POU2F1: variants seen among roughly 807,000 people sequenced by gnomAD.
The protein encoded by POU2F1 is POU domain, class 2, transcription factor 1.
POU2F1 carries 16 observed loss-of-function variants against 84.9 expected under a neutral mutation model. The ratio of observed to expected loss-of-function variants is 0.19; its 90% CI spans 0.13 to 0.29. The LOEUF (loss-of-function observed/expected upper bound fraction) is 0.29. POU2F1 is among the 10% of genes least tolerant of loss of function. The pLI is 1.00. For synonymous variants in POU2F1, 368 were observed against 368.3 expected (o/e 1.00, Z 0.01); for missense variants, 738 against 942.6 (o/e 0.78, Z 2.84).
chr1:167,249,282 C>A lies in POU2F1; in HGVS notation c.61+28324C>A, dbSNP rs534244740. On this transcript the variant is annotated intron_variant, in intron 1 of 15. Coordinates refer to ENST00000367866, the MANE Select transcript of POU2F1 (RefSeq NM_002697.4). ...ATACCAGCCTTTTGCTTCCCCTTAT[C>A]TCCAGACTTCTTTGTAAACTCCTCT... is the stretch of plus-strand genomic sequence containing the variant. Among the ~76,000 whole-genome samples the A allele has an allele frequency of 3.9e-5, 6 of 152,304 alleles. No homozygotes were observed. In the South Asian group the frequency reaches 1.2e-3, roughly 32 times the overall value.
chr1:167,245,836 C>T (rs1028090119), intron 1 of POU2F1, among the ~76,000 whole-genome samples: 2 of 152,138 alleles, frequency 1.3e-5, no homozygotes, highest in Non-Finnish European at 2.9e-5. Context: ...GAATTACAGG[C>T]GTGAGCCACT....
chr1:167,222,013 C>G (rs1160283958), intron 1 of POU2F1, among the ~76,000 whole-genome samples: 2 of 152,082 alleles, frequency 1.3e-5, no homozygotes, highest in African/African-American at 4.8e-5. Context: ...TGCCCCTCCC[C>G]GCTGCCCCCC....
chr1:167,401,661 T>G, intron 13 of POU2F1, 105 bp downstream of exon 13: 1 of 581,548 alleles, frequency 1.7e-6, no homozygotes, highest in Non-Finnish European at 2.7e-6. Context: ...TAACTAAAGA[T>G]AGGTGTTGCT....
At chr1:167,221,911 C>G (rs1207302659) in intron 1 of POU2F1, among the ~76,000 whole-genome samples, 2 of 151,842 alleles carry the variant, frequency 1.3e-5, no homozygotes, top group African/African-American at 4.8e-5. Flanking sequence ...CGCCCCCGGC[C>G]GGCGGTCGGC....
chr1:167,248,508 C>A (rs1320237170), intron 1 of POU2F1, among the ~76,000 whole-genome samples: 1 of 151,964 alleles, frequency 6.6e-6, no homozygotes, highest in Non-Finnish European at 1.5e-5. Flanking sequence ...AATTATAATA[C>A]CCTGTGATAA....
rs931834471 is a variant in POU2F1, at chr1:167,365,552, T to C, written c.213T>C (p.Leu71=). ...AISTAQAQAF[L]GHLHQVQLAG... The stretch of plus-strand genomic sequence containing the variant: ...CAACAGCCCAGGCGCAGGCTTTCCT[T>C]GGACATCTCCATCAGGTAGGAATGT... Residue 71 remains leucine (L), a synonymous_variant, in exon 3 of 16, where the codon CTT becomes CTC. Coordinates refer to ENST00000367866, the MANE Select transcript of POU2F1 (RefSeq NM_002697.4). The C allele has an allele frequency of 6.3e-7, 1 of 1,597,504 alleles. No individual in the cohort carries two copies.
chr1:167,350,160 G>T lies in POU2F1; in HGVS notation c.128-15307G>T, dbSNP rs34521380. On this transcript the variant is annotated intron_variant, in intron 2 of 15. Coordinates refer to ENST00000367866, the MANE Select transcript of POU2F1 (RefSeq NM_002697.4). ...AAGCCAATGATACTAAGTATTATTG[G>T]GAGGCAAAGTCATTTCAGAACAGGT... Among the ~76,000 whole-genome samples, 1,104 of 152,168 alleles carry T rather than the reference G, an allele frequency of 7.3e-3. 6 individuals are homozygous for T. Among genetic ancestry groups the T allele is most frequent in the South Asian group, 0.012 (56 of 4,822 alleles).
chr1:167,346,693 A>ATAAC (rs1416515218), intron 2 of POU2F1, among the ~76,000 whole-genome samples: 4 of 152,184 alleles, frequency 2.6e-5, no homozygotes, highest in Admixed American at 6.5e-5. Context: ...CGCTCAGGCA[A>ATAAC]TAACGCTATC....
At chr1:167,391,711 G>A (rs1342272879) in intron 9 of POU2F1, among the ~76,000 whole-genome samples, 1 of 151,110 alleles carries the variant, frequency 6.6e-6, no homozygotes, top group Non-Finnish European at 1.5e-5. Flanking sequence ...CTGGGACTCA[G>A]GCACACCACC....
At chr1:167,296,527 A>G (rs1654299930) in intron 1 of POU2F1, among the ~76,000 whole-genome samples, 1 of 152,172 alleles carries the variant, frequency 6.6e-6, no homozygotes, top group African/African-American at 2.4e-5. Flanking sequence ...GCACTCCATT[A>G]TTTACACAGA....
At chr1:167,272,142 A>G (rs1246959252) in intron 1 of POU2F1, among the ~76,000 whole-genome samples, 1 of 152,212 alleles carries the variant, frequency 6.6e-6, no homozygotes, top group East Asian at 1.9e-4. Context: ...GAATGTCCGC[A>G]GTATGTTAGA....
intron 1 of POU2F1, among the ~76,000 whole-genome samples, chr1:167,275,742 G>A (rs1652685168): frequency 6.6e-6 from 1 of 152,134 alleles, no homozygotes; most frequent in African/African-American, 2.4e-5. Flanking sequence ...CCAAAAAGAT[G>A]GGGTAAGAAT....
rs114980524 is a variant in POU2F1, at chr1:167,361,749, C to T, written c.128-3718C>T. Among the ~76,000 whole-genome samples the T allele has an allele frequency of 1.5e-3, 225 of 152,208 alleles. 1 individual carries two copies. Among genetic ancestry groups the T allele is most frequent in the African/African-American group, 5.2e-3 (215 of 41,538 alleles). On this transcript the variant is annotated intron_variant, in intron 2 of 15. Transcript: ENST00000367866. The stretch of plus-strand genomic sequence containing the variant: ...GGGGATAGTTTCAGTAGAATTGGTA[C>T]GAGCTCTTCCTTGTACGGCTGGTAA...
rs561712054 is a variant in POU2F1, at chr1:167,415,667, G to A, written c.2158G>A (p.Ala720Thr). 3.3e-5 allele frequency: 54 copies of A among 1,614,100 alleles called. No individual in the cohort carries two copies. The highest frequency in any genetic ancestry group is 1.4e-4 in the South Asian group (13 of 91,086). ...CCCTGTTAGCTTGGTCTCTGCCGCC[G>A]CAGCATCTGCAGGGAACTCTGCACC... The part of the protein sequence containing the change: ...SNPVSLVSAA[A>T]ASAGNSAPVA... Residue 720 changes from alanine to threonine, a missense_variant, in exon 16 of 16, where the codon GCA (alanine) becomes ACA (threonine). Coordinates refer to ENST00000367866, the MANE Select transcript of POU2F1 (RefSeq NM_002697.4).
chr1:167,399,847 G>A (rs1400172578), intron 12 of POU2F1, among the ~76,000 whole-genome samples: 1 of 148,794 alleles, frequency 6.7e-6, no homozygotes, highest in East Asian at 2.0e-4. Context: ...CTAATTTTTT[G>A]TACTCTTAGC....
intron 2 of POU2F1, among the ~76,000 whole-genome samples, chr1:167,349,671 T>A (rs1426810044): frequency 1.3e-5 from 2 of 152,218 alleles, no homozygotes; most frequent in Admixed American, 1.3e-4. Flanking sequence ...CCTCAGCATC[T>A]GGAATATCAA....
intron 13 of POU2F1, among the ~76,000 whole-genome samples, chr1:167,404,117 A>G (rs1269575675): frequency 1.3e-5 from 2 of 151,170 alleles, no homozygotes; most frequent in East Asian, 1.9e-4. Context: ...ACTTGCCCTC[A>G]TTGGCCTTCA....
intron 2 of POU2F1, among the ~76,000 whole-genome samples, chr1:167,336,589 A>G (rs960139713): frequency 3.3e-5 from 5 of 152,216 alleles, no homozygotes; most frequent in Admixed American, 6.5e-5. Context: ...GTCTGCAGTT[A>G]TAGTTGCCAT....
chr1:167,417,822 T>C lies in POU2F1; in HGVS notation c.*2012T>C, dbSNP rs1016202487. ...TAAATACAGACACAATGTGTACTTT[T>C]GTGTGTGATTCAAGTGGGAGACAGT... On this transcript the variant is annotated 3_prime_UTR_variant, in exon 16 of 16. Transcript: ENST00000367866. 1 of 152,258 alleles carries C rather than the reference T, an allele frequency of 6.6e-6. No homozygotes were observed. The highest frequency in any genetic ancestry group is 2.4e-5 in the African/African-American group (1 of 41,468). 9.4% of individuals were successfully genotyped at this position (152,258 alleles called of 1,614,324 possible).
Sources: gnomAD v4.1 joint callset for allele counts (sites outside exome capture counted in the v4.1 genomes callset) on GRCh38, gnomAD v4.1.1 for gene constraint, MANE v1.5 for transcripts, NCBI Gene and HGNC (gene_info 2026-07-23, HGNC 2026-07-21) for gene names.